Variants in NSMCE2 observed in about 807,000 individuals in gnomAD.
NSMCE2 encodes E3 SUMO-protein ligase NSE2.
A neutral mutation model predicts 23.8 loss-of-function variants in NSMCE2; 24 were observed. The observed-to-expected ratio is 1.01, with a 90% CI of 0.73 to 1.42. The LOEUF (loss-of-function observed/expected upper bound fraction) is 1.42, where lower values mean the gene tolerates loss of function less well. Among genes scored for constraint, NSMCE2 ranks in the 40% most tolerant of loss-of-function variants. The pLI is 0.00. For synonymous variants in NSMCE2, 92 were observed against 94.1 expected (o/e 0.98, Z 0.13); for missense variants, 284 against 296.5 (o/e 0.96, Z 0.31).
rs548244126 is a variant in NSMCE2, at chr8:125,172,583, A to G, written c.265-9520A>G. Among the ~76,000 whole-genome samples the G allele has an allele frequency of 7.9e-5, 12 of 152,258 alleles. No homozygotes were observed. The East Asian group carries it at 2.3e-3, about 29-fold the overall frequency. ...TACCGTTTCCAGCTTGAAGTCCAAG[A>G]TATCTGAGCTGAGCTTATTCCTTTT... is the stretch of plus-strand genomic sequence containing the variant. On this transcript the variant is annotated intron_variant, in intron 4 of 7. Transcript: ENST00000287437.
At chr8:125,216,364 G>A (rs934338484) in intron 5 of NSMCE2, among the ~76,000 whole-genome samples, 1 of 152,182 alleles carries the variant, frequency 6.6e-6, no homozygotes, top group Non-Finnish European at 1.5e-5. Flanking sequence ...GTGGGTCCGG[G>A]CGCGATGGCT....
At chr8:125,223,094 G>A (rs1422946877) in intron 5 of NSMCE2, among the ~76,000 whole-genome samples, 4 of 150,818 alleles carry the variant, frequency 2.7e-5, no homozygotes, top group Admixed American at 2.0e-4. Flanking sequence ...AAATAAGCAC[G>A]GTGGCTCACA....
At chr8:125,147,751 T>G (rs1820772056) in intron 3 of NSMCE2, among the ~76,000 whole-genome samples, 3 of 152,192 alleles carry the variant, frequency 2.0e-5, no homozygotes, top group Admixed American at 2.0e-4. Flanking sequence ...CCAGCAACTT[T>G]TTAGTCAGTA....
intron 5 of NSMCE2, among the ~76,000 whole-genome samples, chr8:125,258,453 C>T (rs1014915182): frequency 2.6e-5 from 4 of 151,250 alleles, no homozygotes; most frequent in African/African-American, 9.7e-5. Context: ...ATCCCATTCA[C>T]CCCCGCTCCC....
intron 5 of NSMCE2, among the ~76,000 whole-genome samples, chr8:125,253,565 G>C (rs906834628): frequency 8.5e-5 from 13 of 152,162 alleles, no homozygotes; most frequent in African/African-American, 2.9e-4. Flanking sequence ...TAGTTTCTCA[G>C]ATGTTATACT....
rs555632353 is a variant in NSMCE2, at chr8:125,113,361, A to G, written c.157+10874A>G. 1.4e-4 allele frequency among the ~76,000 whole-genome samples: 21 copies of G among 152,192 alleles called. 2 individuals carry two copies. The South Asian group carries it at 4.4e-3, about 32-fold the overall frequency. ...AAATGAGTCAGGTGTGGTGGCATGC[A>G]CCTGTAGTCCTAGCTACTCCAGAGG... On this transcript the variant is annotated intron_variant, in intron 3 of 7. Coordinates refer to ENST00000287437, the MANE Select transcript of NSMCE2 (RefSeq NM_173685.4).
chr8:125,146,517 C>G (rs1320047408), intron 3 of NSMCE2, among the ~76,000 whole-genome samples: 1 of 152,070 alleles, frequency 6.6e-6, no homozygotes, highest in Admixed American at 6.6e-5. Context: ...CAATGATAGA[C>G]TGGATTAAGA....
At chr8:125,230,624 A>G (rs965572823) in intron 5 of NSMCE2, among the ~76,000 whole-genome samples, 5 of 152,230 alleles carry the variant, frequency 3.3e-5, no homozygotes, top group African/African-American at 4.8e-5. Flanking sequence ...ACACCAGATG[A>G]ATAGTAGTAC....
chr8:125,268,126 C>G (rs954052571), intron 5 of NSMCE2, among the ~76,000 whole-genome samples: 1 of 151,270 alleles, frequency 6.6e-6, no homozygotes, highest in African/African-American at 2.4e-5. Flanking sequence ...TTCAGCTACT[C>G]CAGAGGCTGA....
intron 5 of NSMCE2, among the ~76,000 whole-genome samples, chr8:125,276,811 G>C (rs1827466796): frequency 6.6e-6 from 1 of 152,250 alleles, no homozygotes; most frequent in South Asian, 2.1e-4. Context: ...CTGCTAGTAA[G>C]TGGAAGAGCT....
chr8:125,354,824 C>T (rs1394861741), intron 5 of NSMCE2, among the ~76,000 whole-genome samples: 1 of 152,136 alleles, frequency 6.6e-6, no homozygotes, highest in African/African-American at 2.4e-5. Flanking sequence ...TTTCCCTGCC[C>T]CTCAGTACAG....
At chr8:125,353,411 G>C (rs774908311) in intron 5 of NSMCE2, among the ~76,000 whole-genome samples, 1 of 152,098 alleles carries the variant, frequency 6.6e-6, no homozygotes, top group Non-Finnish European at 1.5e-5. Context: ...CAACTTTCCC[G>C]AGCCATGATG....
At chr8:125,136,673 CT>C in intron 3 of NSMCE2, among the ~76,000 whole-genome samples, 1 of 152,126 alleles carries the variant, frequency 6.6e-6, no homozygotes, top group East Asian at 1.9e-4. Flanking sequence ...CACAGATACA[CT>C]AGTGGGTGCT....
At chr8:125,333,254 T>C (rs12680560) in intron 5 of NSMCE2, among the ~76,000 whole-genome samples, 66,737 of 151,318 alleles carry the variant, frequency 0.44, 16,982 homozygotes, top group East Asian at 0.55. Context: ...ACTGCAGCTT[T>C]GACCTCCTGG....
intron 5 of NSMCE2, among the ~76,000 whole-genome samples, chr8:125,353,419 A>G (rs929230415): frequency 6.6e-6 from 1 of 152,176 alleles, no homozygotes; most frequent in Non-Finnish European, 1.5e-5. Context: ...CCGAGCCATG[A>G]TGAAGAGTCA....
intron 3 of NSMCE2, among the ~76,000 whole-genome samples, chr8:125,141,980 G>A (rs1820395918): frequency 6.6e-6 from 1 of 152,096 alleles, no homozygotes; most frequent in African/African-American, 2.4e-5. Flanking sequence ...GAGCATTATT[G>A]CAGTCTTGTG....
At chr8:125,358,396 T>C (rs1448644710) in intron 7 of NSMCE2, among the ~76,000 whole-genome samples, 6 of 151,514 alleles carry the variant, frequency 4.0e-5, no homozygotes, top group African/African-American at 1.5e-4. Context: ...ATTTTTTTAA[T>C]TGGAAGTTTT....
At chr8:125,357,366 CAG>C (rs1813327710) in intron 6 of NSMCE2, 47 bp downstream of exon 6, 1 of 1,261,116 alleles carries the variant, frequency 7.9e-7, no homozygotes. Context: ...ATTCACTTCA[CAG>C]AGGCAGAAAG....
At chr8:125,128,411 G>A (rs1188714918) in intron 3 of NSMCE2, among the ~76,000 whole-genome samples, 1 of 152,114 alleles carries the variant, frequency 6.6e-6, no homozygotes, top group Non-Finnish European at 1.5e-5. Flanking sequence ...AGGAGTAATT[G>A]ATGAAACTTG....
Sources: allele counts gnomAD v4.1 joint callset (sites outside exome capture counted in the v4.1 genomes callset), GRCh38; gene constraint gnomAD v4.1.1; transcripts MANE v1.5; gene names NCBI Gene and HGNC (gene_info 2026-07-23, HGNC 2026-07-21).